The following PRICKLE1 variants were observed in gnomAD, a reference collection of about 807,000 sequenced individuals.
PRICKLE1 encodes prickle-like protein 1.
PRICKLE1 carries 14 observed loss-of-function variants against 70.2 expected under a neutral mutation model. The observed-to-expected ratio is 0.20, with a 90% confidence interval of 0.13 to 0.31. The LOEUF is 0.31. Among genes scored for constraint, PRICKLE1 ranks in the 10% least tolerant of loss-of-function variants. The pLI, the probability that PRICKLE1 is intolerant of heterozygous loss-of-function variation, is 1.00. For missense variants in PRICKLE1, 821 were observed against 1,026.2 expected, an observed-to-expected ratio of 0.80 and a Z score of 2.73; for synonymous variants, 357 against 379.9, an observed-to-expected ratio of 0.94 and a Z score of 0.70.
At chr12:42,539,938 G>T (rs943496668) in intron 1 of PRICKLE1, among the ~76,000 whole-genome samples, 21 of 152,136 alleles carry the variant, frequency 1.4e-4, no homozygotes, top group Non-Finnish European at 5.9e-5. Context: ...ATGTCCTGGA[G>T]AATACTTGAT....
chr12:42,491,187 C>T lies in PRICKLE1; in HGVS notation c.-48-18623G>A, dbSNP rs928491472. Among the ~76,000 whole-genome samples the T allele has an allele frequency of 7.3e-5, 11 of 151,588 alleles. 1 individual carries two copies. The highest frequency in any genetic ancestry group is 1.3e-4 in the Admixed American group (2 of 15,186). On this transcript the variant is annotated intron_variant, in intron 1 of 7. Coordinates refer to ENST00000345127, the MANE Select transcript of PRICKLE1 (RefSeq NM_153026.3). ...ACTGCGCCAGGCTTCTAAGCTCAAA[C>T]TTTATCTTCCTGTTGATATTCACCT...
intron 1 of PRICKLE1, among the ~76,000 whole-genome samples, chr12:42,502,344 G>A (rs1939330203): frequency 1.4e-5 from 2 of 146,456 alleles, no homozygotes; most frequent in Non-Finnish European, 3.0e-5. Flanking sequence ...GTCTCATTCT[G>A]TTGTCCAAGT....
At chr12:42,479,391 G>A (rs1356601430) in intron 1 of PRICKLE1, among the ~76,000 whole-genome samples, 1 of 152,186 alleles carries the variant, frequency 6.6e-6, no homozygotes, top group Non-Finnish European at 1.5e-5. Flanking sequence ...CATACACATA[G>A]CGTGTGTGCG....
chr12:42,506,853 G>A (rs753404578), intron 1 of PRICKLE1, among the ~76,000 whole-genome samples: 6 of 152,096 alleles, frequency 3.9e-5, no homozygotes, highest in Non-Finnish European at 5.9e-5. Flanking sequence ...TTACAGGTGT[G>A]AGCCACCGCA....
intron 1 of PRICKLE1, among the ~76,000 whole-genome samples, chr12:42,550,899 G>A (rs1642863145): frequency 6.6e-6 from 1 of 152,166 alleles, no homozygotes; most frequent in South Asian, 2.1e-4. Context: ...AAGTACTAGG[G>A]CTGAACTCTA....
chr12:42,465,485 C>G, intron 6 of PRICKLE1: 1 of 561,896 alleles, frequency 1.8e-6, no homozygotes, highest in Non-Finnish European at 3.1e-6. Flanking sequence ...GTTTCATGGT[C>G]ATTCGCAGAT....
At position 42,459,862 on chromosome 12, in the gene PRICKLE1, TTGTCCTCTG is replaced by T. The variant is rs745483751; in HGVS notation, c.2434_2442del (p.Gln812_Thr814del). The T allele has an allele frequency of 6.2e-7, 1 of 1,614,186 alleles. No individual in the cohort carries two copies. Among genetic ancestry groups the T allele is most frequent in the Non-Finnish European group, 8.5e-7 (1 of 1,180,022 alleles). On this transcript the variant is annotated inframe_deletion, in exon 8 of 8. Coordinates refer to ENST00000345127, the MANE Select transcript of PRICKLE1 (RefSeq NM_153026.3). ...TGTCCCTTTTTCTTCTTGGATTTTG[TTGTCCTCTG>T]ACCAAACTGAGGGGTGGGAAGTGCA... is the stretch of plus-strand genomic sequence containing the variant.
chr12:42,459,195 C>T lies in PRICKLE1; in HGVS notation c.*614G>A, dbSNP rs886049372. The T allele has an allele frequency of 3.2e-5, 22 of 678,946 alleles. No individual in the cohort carries two copies. Among genetic ancestry groups the T allele is most frequent in the Middle Eastern group, 2.9e-4 (1 of 3,416 alleles). 42.1% of individuals were successfully genotyped at this position (678,946 alleles called of 1,614,324 possible). On this transcript the variant is annotated 3_prime_UTR_variant, in exon 8 of 8. Coordinates refer to ENST00000345127, the MANE Select transcript of PRICKLE1 (RefSeq NM_153026.3). ...ACAGTATATACATTAATATTTGCAC[C>T]GTTAAATTAGGAATACACTTAAGTC...
chr12:42,464,718 G>A lies in PRICKLE1; in HGVS notation c.1316C>T (p.Ala439Val), dbSNP rs1938015359. The change falls in exon 7 of 8, where the codon GCC becomes GTC. Residue 439 changes from alanine to valine, a missense_variant. By Grantham distance (64) the Ala-to-Val change is moderately conservative. Transcript: ENST00000345127. The surrounding 1 kb of genome is among the most constrained non-coding windows in gnomAD (Gnocchi z 4.2). ...QPQPNEMDIR[A>V]SEHWISDNMV... The stretch of plus-strand genomic sequence containing the variant: ...GTTATCAGATATCCAGTGCTCACTG[G>A]CTCGAATATCCATCTCATTGGGCTG... The A allele has an allele frequency of 6.2e-7, 1 of 1,613,876 alleles. No individual in the cohort carries two copies. The highest frequency in any genetic ancestry group is 1.3e-5 in the African/African-American group (1 of 74,842).
intron 1 of PRICKLE1, among the ~76,000 whole-genome samples, chr12:42,585,816 T>A (rs1940977796): frequency 6.6e-6 from 1 of 152,138 alleles, no homozygotes; most frequent in Non-Finnish European, 1.5e-5. Context: ...AACAAGGGGA[T>A]GTGATTACCA....
At chr12:42,538,335 C>T (rs1397376905) in intron 1 of PRICKLE1, among the ~76,000 whole-genome samples, 1 of 152,150 alleles carries the variant, frequency 6.6e-6, no homozygotes, top group Non-Finnish European at 1.5e-5. Context: ...AGATGGTCTC[C>T]ATCATTGCAG....
intron 1 of PRICKLE1, among the ~76,000 whole-genome samples, chr12:42,584,750 C>A (rs546666495): frequency 1.3e-5 from 2 of 152,206 alleles, no homozygotes; most frequent in African/African-American, 4.8e-5. Context: ...AAGTCAAAGA[C>A]CATAATTGCA....
intron 1 of PRICKLE1, among the ~76,000 whole-genome samples, chr12:42,553,443 C>CAAA (rs11432974): frequency 2.2e-5 from 3 of 139,016 alleles, no homozygotes; most frequent in Non-Finnish European, 4.6e-5. Flanking sequence ...GACTCCGTCT[C>CAAA]AAAAAAAAAA....
chr12:42,501,362 T>A (rs2140182061), intron 1 of PRICKLE1, among the ~76,000 whole-genome samples: 1 of 152,066 alleles, frequency 6.6e-6, no homozygotes, highest in South Asian at 2.1e-4. Flanking sequence ...ATACAAAAAT[T>A]AGCTGGGCAT....
intron 1 of PRICKLE1, among the ~76,000 whole-genome samples, chr12:42,530,074 G>A (rs1939884059): frequency 6.6e-6 from 1 of 151,680 alleles, no homozygotes; most frequent in African/African-American, 2.4e-5. Flanking sequence ...CTCCCGAGTA[G>A]CTGGGATTAC....
intron 1 of PRICKLE1, among the ~76,000 whole-genome samples, chr12:42,487,057 T>C (rs1260346332): frequency 6.6e-6 from 1 of 152,178 alleles, no homozygotes; most frequent in African/African-American, 2.4e-5. Flanking sequence ...ATCATACAAA[T>C]GTAGAGTTCA....
chr12:42,471,919 C>T (rs952966461), intron 2 of PRICKLE1, among the ~76,000 whole-genome samples: 5 of 152,150 alleles, frequency 3.3e-5, no homozygotes, highest in Non-Finnish European at 4.4e-5. Context: ...AAAGGTCAAA[C>T]GTCTAAGCAG....
Position 42,460,278 on chromosome 12 carries a change from C to T in PRICKLE1, c.2027G>A (p.Arg676Gln), listed in dbSNP as rs377294908. Residue 676 changes from arginine (R) to glutamine (Q), a missense_variant, in exon 8 of 8, where the codon CGG becomes CAG. Physicochemically the swap from Arg to Gln is conservative, Grantham distance 43 (BLOSUM62 1). Coordinates refer to ENST00000345127, the MANE Select transcript of PRICKLE1 (RefSeq NM_153026.3). Reference protein sequence around the residue: ...RGSRSHHHRRRRSRKSRSDNA... With the variant: ...RGSRSHHHRRQRSRKSRSDNA... ...GTCGGAGCGGGACTTTCTACTTCTC[C>T]GGCGGCGGTGGTGATGAGACCTGGA... 1.8e-5 allele frequency: 29 copies of T among 1,613,980 alleles called. No homozygotes were observed. The highest frequency in any genetic ancestry group is 1.6e-4 in the Middle Eastern group (1 of 6,080).
chr12:42,587,105 C>T (rs1434903201), intron 1 of PRICKLE1, among the ~76,000 whole-genome samples: 3 of 152,226 alleles, frequency 2.0e-5, no homozygotes, highest in South Asian at 4.2e-4. Context: ...ACATAATAAG[C>T]TTTTTAAGCT....
Sources: allele counts gnomAD v4.1 joint callset (sites outside exome capture counted in the v4.1 genomes callset), GRCh38; gene constraint gnomAD v4.1.1; non-coding constraint Gnocchi (gnomAD v3.1); transcripts MANE v1.5; gene names NCBI Gene and HGNC (gene_info 2026-07-23, HGNC 2026-07-21).